The following ZNF229 variants were observed in gnomAD, a reference collection of about 807,000 sequenced individuals.
ZNF229 encodes zinc finger protein 229.
A neutral mutation model predicts 11.8 loss-of-function variants in ZNF229; 10 were observed. That is an observed-to-expected ratio of 0.85 (90% CI 0.52 to 1.44). The LOEUF (loss-of-function observed/expected upper bound fraction) is 1.44, where lower values mean the gene tolerates loss of function less well. ZNF229 is among the 40% of genes most tolerant of loss of function. The pLI is 0.00. For synonymous variants in ZNF229, 368 were observed against 374.8 expected (o/e 0.98, Z 0.21); for missense variants, 1,045 against 1,015.1 (o/e 1.03, Z -0.40).
chr19:44,429,444 G>T lies in ZNF229; in HGVS notation c.1337C>A (p.Ser446Tyr). ...AATGTGCTGGTGTTTGTGCAGTGCA[G>T]ACTTGGCACAGAAGCCTTTGCCACA... ...SECGKGFCAKSALHKHQHIHP... is the reference protein window; with the variant it reads ...SECGKGFCAKYALHKHQHIHP... The change falls in exon 6 of 6, where the codon TCT becomes TAT. Residue 446 changes from serine to tyrosine, a missense_variant. Transcript: ENST00000614049. 6.2e-7 allele frequency: 1 copy of T among 1,613,810 alleles called. No homozygotes were observed. Among genetic ancestry groups the T allele is most frequent in the Non-Finnish European group, 8.5e-7 (1 of 1,179,972 alleles).
At chr19:44,432,522 A>T (rs906710204) in intron 4 of ZNF229, among the ~76,000 whole-genome samples, 156 bp from the exon 5 acceptor site, 2 of 151,020 alleles carry the variant, frequency 1.3e-5, no homozygotes, top group Non-Finnish European at 2.9e-5. Flanking sequence ...AAAAATGATG[A>T]GTTCATGTCC....
Position 44,448,290 on chromosome 19 carries a change from C to G in ZNF229, c.-266+19G>C, listed in dbSNP as rs1012629853. 11 of 152,330 alleles carry G rather than the reference C, an allele frequency of 7.2e-5. No individual in the cohort carries two copies. Among genetic ancestry groups the G allele is most frequent in the Admixed American group, 2.0e-4 (3 of 15,290 alleles). 9.4% of individuals were successfully genotyped at this position (152,330 alleles called of 1,614,324 possible). A position where few individuals can be genotyped will look rare whatever the true frequency, so the allele number is the denominator to read the frequency against. ...CTCAGAATGTTCGATACGTGCGCCT[C>G]CTTACACCCCTGCCTCACCAGGCCG... On this transcript the variant is annotated intron_variant, in intron 1 of 5. Transcript: ENST00000614049.
intron 2 of ZNF229, among the ~76,000 whole-genome samples, chr19:44,443,461 T>C (rs912535195): frequency 3.3e-5 from 5 of 152,212 alleles, no homozygotes; most frequent in African/African-American, 1.2e-4. Flanking sequence ...GTTTTTAACT[T>C]TTTTTGTGCC....
At chr19:44,436,818 G>C (rs1005772012) in intron 4 of ZNF229, among the ~76,000 whole-genome samples, 8 of 152,244 alleles carry the variant, frequency 5.3e-5, no homozygotes, top group Admixed American at 2.0e-4. Flanking sequence ...CGGTGAACCA[G>C]AGCACAGAAT....
Position 44,428,842 on chromosome 19 carries a change from G to A in ZNF229, c.1939C>T (p.Gln647Ter). The A allele has an allele frequency of 5.0e-6, 8 of 1,613,702 alleles. No individual in the cohort carries two copies. The highest frequency in any genetic ancestry group is 5.9e-6 in the Non-Finnish European group (7 of 1,179,972). The change falls in exon 6 of 6, where the codon CAG (glutamine) becomes TAG (stop). Residue 647 changes from glutamine (Q) to a stop codon, truncating the protein, a stop_gained. Coordinates refer to ENST00000614049, the MANE Select transcript of ZNF229 (RefSeq NM_014518.4). LOFTEE classifies it low-confidence loss of function (END_TRUNC). ...GGTTTCTCGCCTGTGTGGACTCTCT[G>A]GTGAATGAGAAGCCCTGAGCTGTAA... Reference protein sequence around the residue: ...FSYSSGLLIHQRVHTGEKPYR... With the variant: ...FSYSSGLLIH
intron 4 of ZNF229, among the ~76,000 whole-genome samples, chr19:44,440,926 T>A (rs1468875903): frequency 6.6e-6 from 1 of 152,060 alleles, no homozygotes; most frequent in East Asian, 1.9e-4. Context: ...GATTTTACCA[T>A]GTTGCCCAGG....
At chr19:44,433,639 C>T (rs540631007) in intron 4 of ZNF229, among the ~76,000 whole-genome samples, 1 of 152,218 alleles carries the variant, frequency 6.6e-6, no homozygotes, top group South Asian at 2.1e-4. Flanking sequence ...TGTAAGCTTT[C>T]TGAGGCCTCC....
chr19:44,433,302 C>CCATCTTA (rs1254668984), intron 4 of ZNF229, among the ~76,000 whole-genome samples: 1 of 152,096 alleles, frequency 6.6e-6, no homozygotes, highest in Admixed American at 6.5e-5. Context: ...AGTGATTCTA[C>CCATCTTA]CATCTTAGCC....
chr19:44,437,962 ACTTGAGAGT>A (rs1971842242), intron 4 of ZNF229, among the ~76,000 whole-genome samples: 1 of 152,162 alleles, frequency 6.6e-6, no homozygotes. Flanking sequence ...ACAGAGGCCT[ACTTGAGAGT>A]GGATAGTGGG....
chr19:44,442,687 G>C (rs1971934611), intron 3 of ZNF229, 66 bp from the exon 4 acceptor site: 18 of 1,603,276 alleles, frequency 1.1e-5, no homozygotes, highest in Non-Finnish European at 1.5e-5. Context: ...TCATCTACCT[G>C]GTAGGAAGGT....
At chr19:44,434,275 C>T (rs778197861) in intron 4 of ZNF229, among the ~76,000 whole-genome samples, 20 of 152,166 alleles carry the variant, frequency 1.3e-4, no homozygotes, top group Non-Finnish European at 2.6e-4. Context: ...CTTTCCCAAT[C>T]ATTCACTACC....
At position 44,429,391 on chromosome 19, in the gene ZNF229, C is replaced by A. The variant is rs773871311; in HGVS notation, c.1390G>T (p.Gly464Cys). ...IHPGEKPYSC[G>C]ECGKGFSCSS... ...CAGCTGAATCCCTTTCCACACTCGC[C>A]ACAGCTGTAGGGCTTTTCTCCAGGG... The change falls in exon 6 of 6, where the codon GGC (glycine) becomes TGC (cysteine). Residue 464 changes from glycine (G) to cysteine (C), a missense_variant. Physicochemically the swap from Gly to Cys is radical, Grantham distance 159. Transcript: ENST00000614049. 52 of 1,613,888 alleles carry A rather than the reference C, an allele frequency of 3.2e-5. No individual in the cohort carries two copies. The highest frequency in any genetic ancestry group is 1.6e-4 in the Middle Eastern group (1 of 6,084).
chr19:44,440,542 G>T (rs1408898374), intron 4 of ZNF229, among the ~76,000 whole-genome samples: 2 of 152,048 alleles, frequency 1.3e-5, no homozygotes, highest in Non-Finnish European at 2.9e-5. Flanking sequence ...CACAACAGAT[G>T]CTTCTAGAAA....
chr19:44,445,208 G>A (rs368211119), intron 2 of ZNF229, among the ~76,000 whole-genome samples: 42 of 152,158 alleles, frequency 2.8e-4, no homozygotes, highest in African/African-American at 8.2e-4. Flanking sequence ...TGCTGCCACC[G>A]TCCACACCAT....
intron 2 of ZNF229, among the ~76,000 whole-genome samples, chr19:44,447,049 A>C (rs906726626): frequency 1.3e-5 from 2 of 152,204 alleles, no homozygotes; most frequent in African/African-American, 4.8e-5. Flanking sequence ...TTACCTGTTA[A>C]GTTTTTTTAA....
chr19:44,438,488 G>A (rs997412096), intron 4 of ZNF229, among the ~76,000 whole-genome samples: 2 of 152,092 alleles, frequency 1.3e-5, no homozygotes, highest in Non-Finnish European at 1.5e-5. Context: ...AGTGTGTGAC[G>A]CTGTGAAATA....
chr19:44,428,419 T>C lies in ZNF229; in HGVS notation c.2362A>G (p.Arg788Gly). ...GRNSCLHVHQ[R>G]VHTGEKPYTC... ...TAGGGCTTCTCTCCAGTGTGGACTC[T>C]CTGATGAACATGAAGACAGGAGTTG... Residue 788 changes from arginine (R) to glycine (G), a missense_variant, in exon 6 of 6, where the codon AGA becomes GGA. By Grantham distance (125) the Arg-to-Gly change is moderately radical. Coordinates refer to ENST00000614049, the MANE Select transcript of ZNF229 (RefSeq NM_014518.4). 1 of 1,613,984 alleles carries C rather than the reference T, an allele frequency of 6.2e-7. No individual in the cohort carries two copies. The highest frequency in any genetic ancestry group is 8.5e-7 in the Non-Finnish European group (1 of 1,179,996).
chr19:44,441,285 A>C (rs1249499390), intron 4 of ZNF229, among the ~76,000 whole-genome samples: 1 of 152,158 alleles, frequency 6.6e-6, no homozygotes, highest in African/African-American at 2.4e-5. Context: ...AGATGGTAGG[A>C]AGTAAAAACG....
At chr19:44,434,738 G>T (rs1971782945) in intron 4 of ZNF229, among the ~76,000 whole-genome samples, 1 of 152,150 alleles carries the variant, frequency 6.6e-6, no homozygotes, top group Non-Finnish European at 1.5e-5. Flanking sequence ...GCTTTCACTT[G>T]ACTTTTTTAT....
Sources: allele counts gnomAD v4.1 joint callset (sites outside exome capture counted in the v4.1 genomes callset), GRCh38; gene constraint gnomAD v4.1.1; transcripts MANE v1.5; gene names NCBI Gene and HGNC (gene_info 2026-07-23, HGNC 2026-07-21).